The following CCDC14 variants were observed in gnomAD, a reference collection of about 807,000 sequenced individuals.
CCDC14 encodes the protein coiled-coil domain-containing protein 14.
Under a neutral mutation model 81.4 loss-of-function variants are expected in CCDC14, and 71 were observed. The ratio of observed to expected loss-of-function variants is 0.87; its 90% CI spans 0.72 to 1.06. The LOEUF is 1.06. Among genes scored for constraint, CCDC14 ranks in the 50% least tolerant of loss-of-function variants. CCDC14 has a pLI of 0.00. For synonymous variants in CCDC14, 332 were observed against 364.8 expected, an observed-to-expected ratio of 0.91 and a Z score of 1.03; for missense variants, 1,046 against 1,047.3, an observed-to-expected ratio of 1.00 and a Z score of 0.02.
intron 10 of CCDC14, 65 bp downstream of exon 10, chr3:123,933,608 C>T: frequency 8.8e-7 from 1 of 1,136,882 alleles, no homozygotes; most frequent in South Asian, 1.4e-5. Context: ...TACAAAAGCT[C>T]AATTCTTTAT....
chr3:123,886,066 C>T, the CCDC14 span, among the ~76,000 whole-genome samples: 3 of 151,832 alleles, frequency 2.0e-5, no homozygotes, highest in Non-Finnish European at 4.4e-5. Context: ...TATTAGAGCT[C>T]AAATTGTCCC....
intron 12 of CCDC14, among the ~76,000 whole-genome samples, chr3:123,923,016 C>CTT (rs1246359709): frequency 6.6e-6 from 1 of 151,924 alleles, no homozygotes; most frequent in African/African-American, 2.4e-5. Context: ...TGAACACAGA[C>CTT]TTAAAAAACC....
chr3:123,948,108 C>T (rs1357737944), intron 7 of CCDC14, among the ~76,000 whole-genome samples: 3 of 152,068 alleles, frequency 2.0e-5, no homozygotes, highest in African/African-American at 4.8e-5. Flanking sequence ...TTGGAAAGAA[C>T]TCTATCAGTG....
At chr3:123,937,885 TCA>T (rs2036143651) in intron 9 of CCDC14, among the ~76,000 whole-genome samples, 1 of 151,878 alleles carries the variant, frequency 6.6e-6, no homozygotes, top group South Asian at 2.1e-4. Context: ...CATGACTCTC[TCA>T]TTGTTTCAGC....
chr3:123,943,149 T>C (rs1362344064), intron 9 of CCDC14, among the ~76,000 whole-genome samples: 11 of 151,940 alleles, frequency 7.2e-5, no homozygotes, highest in Non-Finnish European at 1.5e-4. Flanking sequence ...TATATACACA[T>C]ACATATATAT....
At chr3:123,928,463 G>A (rs752505361) in intron 12 of CCDC14, among the ~76,000 whole-genome samples, 23 of 151,782 alleles carry the variant, frequency 1.5e-4, no homozygotes, top group South Asian at 8.3e-4. Context: ...CCAAGATAGC[G>A]CCACTGCACT....
chr3:123,933,178 T>C (rs1055278198), intron 10 of CCDC14, among the ~76,000 whole-genome samples: 4 of 152,078 alleles, frequency 2.6e-5, no homozygotes, highest in Admixed American at 1.3e-4. Context: ...TTCACTGCAA[T>C]GTTGTTTGCA....
rs1286637337 is a variant in CCDC14 at position 123,913,836 on chromosome 3, G to A, written c.*943C>T. 4 of 985,336 alleles carry A rather than the reference G, an allele frequency of 4.1e-6. No individual in the cohort carries two copies. The South Asian group carries it at 1.4e-4, about 35-fold the overall frequency. 61.0% of individuals were successfully genotyped at this position (985,336 alleles called of 1,614,324 possible). On this transcript the variant is annotated 3_prime_UTR_variant, in exon 13 of 13. Coordinates refer to ENST00000409697, the MANE Select transcript of CCDC14 (RefSeq NM_001366335.1). Reference sequence around the variant, plus strand: ...TAACACAACATTCAGCTTCCTAAGAGTTAAAACGTGCTGCTTACATGAAGG... The same window carrying A: ...TAACACAACATTCAGCTTCCTAAGAATTAAAACGTGCTGCTTACATGAAGG...
intron 5 of CCDC14, among the ~76,000 whole-genome samples, chr3:123,905,755 A>C (rs2034292970): frequency 6.6e-6 from 1 of 152,178 alleles, no homozygotes; most frequent in Non-Finnish European, 1.5e-5. Flanking sequence ...GATACTCCCC[A>C]AGGTAATGTA....
chr3:123,930,321 CA>C (rs2035620258), intron 12 of CCDC14, among the ~76,000 whole-genome samples: 1 of 152,106 alleles, frequency 6.6e-6, no homozygotes, highest in Admixed American at 6.6e-5. Flanking sequence ...ATTGGAAACA[CA>C]AGGAAGATTA....
chr3:123,912,673 T>C (rs1285628973), downstream of CCDC14, among the ~76,000 whole-genome samples: 1 of 151,942 alleles, frequency 6.6e-6, no homozygotes, highest in East Asian at 1.9e-4. Context: ...TTACTATCAC[T>C]CTATGACATT....
At chr3:123,908,128 T>C (rs774024660) in intron 5 of CCDC14, among the ~76,000 whole-genome samples, 6 of 151,934 alleles carry the variant, frequency 3.9e-5, no homozygotes, top group South Asian at 2.1e-4. Context: ...GATATTAGTA[T>C]GAAAGAAAGA....
At chr3:123,932,815 C>T (rs985153682) in intron 10 of CCDC14, among the ~76,000 whole-genome samples, 30 of 152,228 alleles carry the variant, frequency 2.0e-4, no homozygotes, top group Admixed American at 4.6e-4. Context: ...TACAAAAATG[C>T]TGGCCAGGCG....
Position 123,914,642 on chromosome 3 carries a change from C to G in CCDC14, c.*137G>C. The G allele has an allele frequency of 7.3e-7, 1 of 1,375,784 alleles. No individual in the cohort carries two copies. The allele number at this position is 1,375,784 out of a possible 1,614,324, so 85.2% of individuals were successfully genotyped here. The stretch of plus-strand genomic sequence containing the variant: ...GCTCCTCAGTGTCAATATATCTCAA[C>G]AATACATTTATTACTTGTACAATAT... On this transcript the variant is annotated 3_prime_UTR_variant, in exon 13 of 13. Coordinates refer to ENST00000409697, the MANE Select transcript of CCDC14 (RefSeq NM_001366335.1).
chr3:123,925,961 C>T lies in CCDC14; in HGVS notation c.1778+5141G>A, dbSNP rs183690806. 7.8e-4 allele frequency among the ~76,000 whole-genome samples: 119 copies of T among 152,214 alleles called. 1 individual carries two copies. The highest frequency in any genetic ancestry group is 2.7e-3 in the African/African-American group (111 of 41,542). On this transcript the variant is annotated intron_variant, in intron 12 of 12. Transcript: ENST00000409697. The stretch of plus-strand genomic sequence containing the variant: ...AGAAGCTAATGAGTTGTTACTACAA[C>T]ACAAAAATATGCTGGAGAAACATAT...
At chr3:123,935,450 C>T (rs2036000847) in intron 9 of CCDC14, among the ~76,000 whole-genome samples, 1 of 152,168 alleles carries the variant, frequency 6.6e-6, no homozygotes, top group African/African-American at 2.4e-5. Flanking sequence ...AAGCATCTCC[C>T]ACCTTGTAGA....
chr3:123,933,600 C>T, intron 10 of CCDC14, 73 bp downstream of exon 10: 1 of 1,060,422 alleles, frequency 9.4e-7, no homozygotes, highest in Non-Finnish European at 1.4e-6. Flanking sequence ...AAAGTAATTA[C>T]AAAAGCTCAA....
At chr3:123,916,019 G>A (rs1394576063) in intron 12 of CCDC14, among the ~76,000 whole-genome samples, 5 of 138,364 alleles carry the variant, frequency 3.6e-5, no homozygotes, top group African/African-American at 1.1e-4. Flanking sequence ...TTTTAATTGA[G>A]ATAGAGTCTC....
Position 123,915,279 on chromosome 3 carries a change from C to T in CCDC14, c.2218G>A (p.Glu740Lys), listed in dbSNP as rs200971033. The T allele has an allele frequency of 5.0e-6, 8 of 1,613,876 alleles. No individual in the cohort carries two copies. In the Admixed American group the frequency reaches 1.3e-4, roughly 27 times the overall value. The part of the protein sequence containing the change: ...IYIPFARSTP[E>K]KKSPLSKRLS... ...CTCTTAGAAAGTGGTGATTTCTTTT[C>T]AGGAGTGCTTCTAGCAAAAGGAATG... The change falls in exon 13 of 13, where the codon GAA becomes AAA. Residue 740 changes from glutamate (E) to lysine (K), a missense_variant. Coordinates refer to ENST00000409697, the MANE Select transcript of CCDC14 (RefSeq NM_001366335.1).
Sources: gnomAD v4.1 joint callset for allele counts (sites outside exome capture counted in the v4.1 genomes callset) on GRCh38, gnomAD v4.1.1 for gene constraint, MANE v1.5 for transcripts, NCBI Gene and HGNC (gene_info 2026-07-23, HGNC 2026-07-21) for gene names.